PIK3C2G: variants seen among roughly 807,000 people sequenced by gnomAD.
PIK3C2G encodes the protein phosphatidylinositol-4-phosphate 3-kinase catalytic subunit type 2 gamma.
PIK3C2G carries 168 observed loss-of-function variants against 181.1 expected under a neutral mutation model. The ratio of observed to expected loss-of-function variants is 0.93; its 90% CI spans 0.82 to 1.05. The LOEUF (loss-of-function observed/expected upper bound fraction) is 1.05, where lower values mean the gene tolerates loss of function less well. PIK3C2G is among the 50% of genes least tolerant of loss of function. PIK3C2G has a pLI of 0.00. For missense variants in PIK3C2G, 1,869 were observed against 1,732.8 expected (o/e 1.08, Z -1.40); for synonymous variants, 573 against 592.2 (o/e 0.97, Z 0.47).
chr12:18,313,887 T>G, intron 5 of PIK3C2G, 75 bp from the exon 6 acceptor site: 1 of 788,960 alleles, frequency 1.3e-6, no homozygotes, highest in Non-Finnish European at 2.1e-6. Context: ...TAAAAGAAAA[T>G]GAAGTCAGAG....
At chr12:18,273,384 T>G in intron 1 of PIK3C2G, among the ~76,000 whole-genome samples, 1 of 152,164 alleles carries the variant, frequency 6.6e-6, no homozygotes, top group African/African-American at 2.4e-5. Flanking sequence ...AGCCTTGTAG[T>G]ATAGTTTGAA....
At position 18,282,434 on chromosome 12, in the gene PIK3C2G, A is replaced by G. The variant is rs765303290; in HGVS notation, c.353A>G (p.Gln118Arg). The change falls in exon 2 of 33, where the codon CAA (glutamine) becomes CGA (arginine). Residue 118 changes from glutamine (Q) to arginine (R), a missense_variant. By Grantham distance (43) the Gln-to-Arg change is conservative. Coordinates refer to ENST00000538779, the MANE Select transcript of PIK3C2G (RefSeq NM_001288772.2). ...GFSPSVLPKPQNTNKECSWGS... is the reference protein window; with the variant it reads ...GFSPSVLPKPRNTNKECSWGS... ...AGTCCTTCTGTGTTACCAAAACCTC[A>G]AAATACGAATAAAGAATGCTCCTGG... is the stretch of plus-strand genomic sequence containing the variant. The G allele has an allele frequency of 1.2e-5, 20 of 1,611,576 alleles. No homozygotes were observed. Among genetic ancestry groups the G allele is most frequent in the Non-Finnish European group, 1.7e-5 (20 of 1,178,734 alleles).
the PIK3C2G span, among the ~76,000 whole-genome samples, chr12:18,689,186 A>G: frequency 3.1e-3 from 479 of 152,272 alleles, 1 homozygote; most frequent in Non-Finnish European, 3.1e-3. Flanking sequence ...ACTGGTCCCA[A>G]TACCACTATA....
chr12:18,630,663 A>G (rs567764123), intron 31 of PIK3C2G, among the ~76,000 whole-genome samples: 17 of 151,690 alleles, frequency 1.1e-4, no homozygotes, highest in Non-Finnish European at 2.1e-4. Context: ...ATACATATCA[A>G]ACTATTTTTA....
At chr12:18,244,857 G>T (rs958605329), upstream of PIK3C2G, among the ~76,000 whole-genome samples, 1 of 152,018 alleles carries the variant, frequency 6.6e-6, no homozygotes, top group Non-Finnish European at 1.5e-5. Context: ...ATCTTAAAAA[G>T]AAGAAGGCAC....
chr12:18,615,102 TTTTA>T (rs1340004109), intron 31 of PIK3C2G, among the ~76,000 whole-genome samples: 1 of 152,046 alleles, frequency 6.6e-6, no homozygotes, highest in African/African-American at 2.4e-5. Context: ...ATGTGTAGTC[TTTTA>T]TTTCTCACCC....
chr12:18,291,308 A>C (rs2137198635), intron 4 of PIK3C2G, among the ~76,000 whole-genome samples: 1 of 152,340 alleles, frequency 6.6e-6, no homozygotes, highest in South Asian at 2.1e-4. Context: ...GAATTTCAAA[A>C]GATTCTAGAT....
intron 5 of PIK3C2G, among the ~76,000 whole-genome samples, chr12:18,311,217 C>T (rs1378876370): frequency 6.6e-6 from 1 of 151,932 alleles, no homozygotes; most frequent in East Asian, 1.9e-4. Context: ...CACACACACA[C>T]ACACGAGGAC....
intron 31 of PIK3C2G, among the ~76,000 whole-genome samples, chr12:18,629,378 T>C (rs1269444903): frequency 6.6e-6 from 1 of 152,166 alleles, no homozygotes; most frequent in African/African-American, 2.4e-5. Context: ...TAAGAACTTC[T>C]TGTGCTCATT....
intron 6 of PIK3C2G, among the ~76,000 whole-genome samples, chr12:18,320,619 A>C (rs1951067200): frequency 6.6e-6 from 1 of 152,236 alleles, no homozygotes. Context: ...CTCATGGCCT[A>C]AATGTGAAAA....
At chr12:18,346,097 T>C (rs1305055182) in intron 10 of PIK3C2G, among the ~76,000 whole-genome samples, 18 of 152,204 alleles carry the variant, frequency 1.2e-4, no homozygotes, top group Non-Finnish European at 1.5e-5. Flanking sequence ...AGAGATACAG[T>C]AAACATCATA....
chr12:18,452,838 G>A (rs919686670), intron 18 of PIK3C2G, among the ~76,000 whole-genome samples: 9 of 152,130 alleles, frequency 5.9e-5, no homozygotes, highest in Non-Finnish European at 5.9e-5. Context: ...GAGTCATTCA[G>A]GAGCAGGTTG....
intron 12 of PIK3C2G, among the ~76,000 whole-genome samples, chr12:18,370,946 T>A (rs1942011647): frequency 1.3e-5 from 2 of 152,180 alleles, no homozygotes; most frequent in Admixed American, 1.3e-4. Flanking sequence ...CTTTTAAAAA[T>A]ATACCTACAT....
intron 1 of PIK3C2G, among the ~76,000 whole-genome samples, chr12:18,273,238 C>T (rs2137065495): frequency 6.6e-6 from 1 of 152,146 alleles, no homozygotes; most frequent in East Asian, 1.9e-4. Flanking sequence ...GAATCCTTTC[C>T]CCATTGCTTG....
intron 1 of PIK3C2G, among the ~76,000 whole-genome samples, chr12:18,254,147 A>C (rs1211968764): frequency 7.1e-6 from 1 of 141,494 alleles, no homozygotes; most frequent in Non-Finnish European, 1.6e-5. Flanking sequence ...AGAAGAATTT[A>C]AAAACCAACC....
the PIK3C2G span, chr12:18,688,258 T>C: frequency 6.4e-7 from 1 of 1,564,106 alleles, no homozygotes; most frequent in Non-Finnish European, 8.7e-7. Context: ...TAGCAAGATA[T>C]TAAGTTACAT....
intron 8 of PIK3C2G, among the ~76,000 whole-genome samples, chr12:18,336,388 C>A (rs562606676): frequency 2.0e-5 from 3 of 152,188 alleles, no homozygotes; most frequent in African/African-American, 7.2e-5. Context: ...TGAATGAATA[C>A]TGTATTAACA....
At chr12:18,656,113 C>T in the PIK3C2G span, among the ~76,000 whole-genome samples, 18 of 152,232 alleles carry the variant, frequency 1.2e-4, no homozygotes, top group Admixed American at 4.6e-4. Flanking sequence ...GTAGGGAAGT[C>T]TAAAGTTCCA....
chr12:18,618,401 T>C lies in PIK3C2G; in HGVS notation c.4182+8772T>C, dbSNP rs535505694. On this transcript the variant is annotated intron_variant, in intron 31 of 32. Transcript: ENST00000538779. Reference sequence around the variant, plus strand: ...AGACTTATATCAGAACAAAAAAGCCTTTGCAAATTTAACTGAGATTTGAAC... The same window carrying C: ...AGACTTATATCAGAACAAAAAAGCCCTTGCAAATTTAACTGAGATTTGAAC... Among the ~76,000 whole-genome samples, 505 of 152,312 alleles carry C rather than the reference T, an allele frequency of 3.3e-3. 3 individuals carry two copies. Among genetic ancestry groups the C allele is most frequent in the Non-Finnish European group, 5.4e-3 (365 of 68,032 alleles).
Sources: gnomAD v4.1 joint callset for allele counts (sites outside exome capture counted in the v4.1 genomes callset) on GRCh38, gnomAD v4.1.1 for gene constraint, MANE v1.5 for transcripts, NCBI Gene and HGNC (gene_info 2026-07-23, HGNC 2026-07-21) for gene names.